Variants in DGKB observed in about 807,000 individuals in gnomAD.
DGKB encodes the protein 90 kDa diacylglycerol kinase.
In DGKB, 67 loss-of-function variants were observed where a neutral mutation model predicts 114.3. The observed-to-expected ratio is 0.59, with a 90% confidence interval of 0.48 to 0.72. The LOEUF is 0.72. Among genes scored for constraint, DGKB ranks in the 30% least tolerant of loss-of-function variants. The pLI is 0.00. For synonymous variants in DGKB, 398 were observed against 323.1 expected (o/e 1.23, Z -2.49); for missense variants, 907 against 975.2 (o/e 0.93, Z 0.93).
chr7:14,767,255 GGTAA>G (rs1836597694), intron 2 of DGKB, among the ~76,000 whole-genome samples: 1 of 151,744 alleles, frequency 6.6e-6, no homozygotes, highest in South Asian at 2.1e-4. Context: ...TCCTTTAGTG[GGTAA>G]GAGAGAATGC....
intron 25 of DGKB, among the ~76,000 whole-genome samples, chr7:14,169,321 C>G (rs1315941576): frequency 6.9e-6 from 1 of 145,164 alleles, no homozygotes; most frequent in East Asian, 2.0e-4. Flanking sequence ...GCCGAGATGG[C>G]ACCATTGCAC....
intron 4 of DGKB, among the ~76,000 whole-genome samples, chr7:14,747,787 A>ACACACACACACT (rs1564090338): frequency 1.1e-4 from 15 of 141,392 alleles, no homozygotes; most frequent in African/African-American, 4.2e-4. Context: ...ACGCACACAC[A>ACACACACACACT]CACACACACA....
At chr7:14,717,879 T>C (rs1053855457) in intron 6 of DGKB, among the ~76,000 whole-genome samples, 11 of 152,148 alleles carry the variant, frequency 7.2e-5, no homozygotes, top group Non-Finnish European at 1.6e-4. Flanking sequence ...AATATTTTCT[T>C]ATATTGCAAT....
intron 4 of DGKB, among the ~76,000 whole-genome samples, chr7:14,740,196 G>C (rs1832374039): frequency 6.6e-6 from 1 of 150,904 alleles, no homozygotes; most frequent in Non-Finnish European, 1.5e-5. Flanking sequence ...ATAAGAACAA[G>C]AGGTTTCTTC....
At chr7:14,937,777 TACTTCC>T (rs1185343831) in intron 1 of DGKB, among the ~76,000 whole-genome samples, 2 of 76,024 alleles carry the variant, frequency 2.6e-5, no homozygotes, top group Non-Finnish European at 6.6e-5. Context: ...CATATACTTC[TACTTCC>T]TCTTCCTCTT....
upstream of DGKB, among the ~76,000 whole-genome samples, chr7:14,904,117 G>T (rs772748025): frequency 1.3e-5 from 2 of 151,918 alleles, no homozygotes; most frequent in Non-Finnish European, 2.9e-5. Context: ...ATCCCCCAAA[G>T]AATAGAATAC....
chr7:14,324,856 A>C (rs964386912), intron 23 of DGKB, among the ~76,000 whole-genome samples: 1 of 152,172 alleles, frequency 6.6e-6, no homozygotes, highest in Non-Finnish European at 1.5e-5. Context: ...TTCTGCCTAG[A>C]AAGAGTTGCT....
At chr7:14,294,409 C>G (rs973362689) in intron 23 of DGKB, among the ~76,000 whole-genome samples, 2 of 152,090 alleles carry the variant, frequency 1.3e-5, no homozygotes, top group Non-Finnish European at 2.9e-5. Flanking sequence ...AGATGACTAT[C>G]CACTATCCCT....
At chr7:14,923,139 T>C (rs1379341905) in intron 1 of DGKB, among the ~76,000 whole-genome samples, 3 of 152,228 alleles carry the variant, frequency 2.0e-5, no homozygotes, top group Non-Finnish European at 2.9e-5. Flanking sequence ...GATATTGCTA[T>C]TGAGTCAGCT....
intron 9 of DGKB, among the ~76,000 whole-genome samples, chr7:14,693,102 T>A (rs1342736730): frequency 6.6e-6 from 1 of 152,138 alleles, no homozygotes; most frequent in East Asian, 1.9e-4. Flanking sequence ...GTAAAAATAT[T>A]TCAGCTGGTA....
intron 23 of DGKB, among the ~76,000 whole-genome samples, chr7:14,187,467 G>GTGA (rs1428225656): frequency 6.6e-6 from 1 of 152,238 alleles, no homozygotes; most frequent in Admixed American, 6.5e-5. Context: ...AGCTGGTCCA[G>GTGA]TGATAATTCT....
chr7:14,732,674 G>A (rs1831095948), intron 5 of DGKB, among the ~76,000 whole-genome samples: 1 of 152,144 alleles, frequency 6.6e-6, no homozygotes, highest in South Asian at 2.1e-4. Context: ...TGCTGCATGA[G>A]GACTACATAG....
intron 5 of DGKB, among the ~76,000 whole-genome samples, chr7:14,731,668 G>A (rs1223601044): frequency 6.6e-6 from 1 of 152,056 alleles, no homozygotes; most frequent in Non-Finnish European, 1.5e-5. Flanking sequence ...TGACGGTTGA[G>A]GTTGTGAGCC....
intron 2 of DGKB, among the ~76,000 whole-genome samples, chr7:14,793,382 C>A (rs189569151): frequency 6.6e-6 from 1 of 152,046 alleles, no homozygotes; most frequent in African/African-American, 2.4e-5. Context: ...TTTTCCCCTA[C>A]GCATCTCAGT....
intron 21 of DGKB, among the ~76,000 whole-genome samples, chr7:14,470,955 A>G (rs371262101): frequency 7.9e-4 from 119 of 151,456 alleles, no homozygotes; most frequent in African/African-American, 2.7e-3. Flanking sequence ...TTTGGCTTTG[A>G]TATAGCATTT....
intron 1 of DGKB, among the ~76,000 whole-genome samples, chr7:14,898,386 C>T (rs559404856): frequency 5.1e-4 from 77 of 152,120 alleles, no homozygotes; most frequent in Non-Finnish European, 9.4e-4. Context: ...GTTCAAACCC[C>T]GGCTCTATTC....
intron 21 of DGKB, among the ~76,000 whole-genome samples, chr7:14,366,045 A>G (rs1816624332): frequency 6.6e-6 from 1 of 152,108 alleles, no homozygotes; most frequent in Non-Finnish European, 1.5e-5. Flanking sequence ...GACTGTGTAA[A>G]TCCAGGTCAG....
intron 20 of DGKB, among the ~76,000 whole-genome samples, chr7:14,483,251 C>A (rs575112324): frequency 1.3e-4 from 20 of 152,058 alleles, no homozygotes; most frequent in African/African-American, 4.3e-4. Flanking sequence ...TTTCTTTTTG[C>A]GGGAATAGGA....
At chr7:14,758,936 C>G (rs367886209) in intron 2 of DGKB, among the ~76,000 whole-genome samples, 196 of 115,536 alleles carry the variant, frequency 1.7e-3, no homozygotes, top group African/African-American at 7.4e-3. Context: ...TAGATAGATA[C>G]ATAGATAGAT....
Sources: gnomAD v4.1 joint callset for allele counts (sites outside exome capture counted in the v4.1 genomes callset) on GRCh38, gnomAD v4.1.1 for gene constraint, MANE v1.5 for transcripts, NCBI Gene and HGNC (gene_info 2026-07-23, HGNC 2026-07-21) for gene names.